The following NOTCH2 variants were observed in gnomAD, a reference collection of about 807,000 sequenced individuals.
The protein encoded by NOTCH2 is notch receptor 2.
Under a neutral mutation model 235.8 loss-of-function variants are expected in NOTCH2, and 29 were observed. The observed-to-expected ratio is 0.12, with a 90% CI of 0.09 to 0.17. The LOEUF (loss-of-function observed/expected upper bound fraction) is 0.17. Among genes scored for constraint, NOTCH2 ranks in the 10% least tolerant of loss-of-function variants. NOTCH2 has a pLI of 1.00. For synonymous variants in NOTCH2, 1,086 were observed against 1,141.5 expected (o/e 0.95, Z 0.98); for missense variants, 2,285 against 3,150.2 (o/e 0.73, Z 6.57).
intron 1 of NOTCH2, among the ~76,000 whole-genome samples, chr1:120,042,743 C>T (rs1345892473): frequency 1.3e-5 from 2 of 151,812 alleles, no homozygotes; most frequent in Non-Finnish European, 2.9e-5. Flanking sequence ...TATGTTACCA[C>T]ATAAAGTTTC....
Position 119,997,055 on chromosome 1 carries a change from G to A in NOTCH2, c.693C>T (p.Val231=). The change falls in exon 4 of 34, where the codon GTC becomes GTT. Residue 231 remains valine, a synonymous_variant. Transcript: ENST00000256646. ...CAGTCTGCCGACAGGTGCCTCCATTGACACAAGGTGAGGGTGCACAGGGCA... is the reference window on the plus strand; with the variant it reads ...CAGTCTGCCGACAGGTGCCTCCATTAACACAAGGTGAGGGTGCACAGGGCA... The part of the protein sequence containing the change: ...LYVPCAPSPC[V]NGGTCRQTGD... 1 of 1,614,026 alleles carries A rather than the reference G, an allele frequency of 6.2e-7. No individual in the cohort carries two copies. Among genetic ancestry groups the A allele is most frequent in the Non-Finnish European group, 8.5e-7 (1 of 1,179,872 alleles).
intron 19 of NOTCH2, 58 bp downstream of exon 19, chr1:119,940,497 C>T (rs782232825): frequency 2.5e-4 from 358 of 1,445,920 alleles, no homozygotes; most frequent in Non-Finnish European, 3.4e-4. Flanking sequence ...AGAAAGTGAA[C>T]AGGTATAATA....
intron 5 of NOTCH2, among the ~76,000 whole-genome samples, chr1:119,984,504 A>G (rs1408371827): frequency 1.3e-5 from 2 of 152,252 alleles, no homozygotes; most frequent in Non-Finnish European, 2.9e-5. Flanking sequence ...GCTAATAAAC[A>G]TTAGTTAACT....
At chr1:119,943,474 AGTAGT>A in intron 17 of NOTCH2, among the ~76,000 whole-genome samples, 1 of 152,228 alleles carries the variant, frequency 6.6e-6, no homozygotes, top group Non-Finnish European at 1.5e-5. Flanking sequence ...CCCCTGTTGT[AGTAGT>A]GAGCCATATT....
At chr1:119,927,444 A>G (rs1649512691) in intron 23 of NOTCH2, among the ~76,000 whole-genome samples, 1 of 152,228 alleles carries the variant, frequency 6.6e-6, no homozygotes, top group Non-Finnish European at 1.5e-5. Flanking sequence ...CCACATGGAC[A>G]CAGCTTGGTG....
At chr1:120,045,961 A>G (rs1654770189) in intron 1 of NOTCH2, among the ~76,000 whole-genome samples, 2 of 152,290 alleles carry the variant, frequency 1.3e-5, no homozygotes, top group African/African-American at 4.8e-5. Context: ...TAAAAAACAT[A>G]TAAGCTTTAC....
Position 119,912,714 on chromosome 1 carries a change from A to T in NOTCH2, c.*2592T>A, listed in dbSNP as rs1195613138. 4.3e-6 allele frequency: 1 copy of T among 233,334 alleles called. No homozygotes were observed. Among genetic ancestry groups the T allele is most frequent in the Non-Finnish European group, 8.5e-6 (1 of 118,022 alleles). 14.5% of individuals were successfully genotyped at this position (233,334 alleles called of 1,614,324 possible). A position where few individuals can be genotyped will look rare whatever the true frequency, so the allele number is the denominator to read the frequency against. ...GGCATAAAAGATGTGTCTCATAAAA[A>T]CTGAGTCTCCAATTCAGAACCCAAA... On this transcript the variant is annotated 3_prime_UTR_variant, in exon 34 of 34. Transcript: ENST00000256646.
intron 17 of NOTCH2, 77 bp downstream of exon 17, chr1:119,948,337 G>A: frequency 6.5e-7 from 1 of 1,533,862 alleles, no homozygotes; most frequent in Non-Finnish European, 9.0e-7. Context: ...AAAGGCGGCA[G>A]CCTCCACTGG....
chr1:120,068,640 C>T (rs2799254), intron 1 of NOTCH2: 1,682 of 266,314 alleles, frequency 6.3e-3, no homozygotes, highest in African/African-American at 0.036. Flanking sequence ...CTCCGCGCCT[C>T]GGAAAGAATA....
At chr1:119,921,216 C>T (rs1241561476) in intron 29 of NOTCH2, among the ~76,000 whole-genome samples, 1 of 152,174 alleles carries the variant, frequency 6.6e-6, no homozygotes, top group African/African-American at 2.4e-5. Context: ...CAGTCTCAGC[C>T]CAATCTACCA....
intron 2 of NOTCH2, among the ~76,000 whole-genome samples, chr1:120,024,950 T>C (rs1653784212): frequency 1.3e-5 from 2 of 150,658 alleles, no homozygotes; most frequent in African/African-American, 4.9e-5. Flanking sequence ...CTAGAAGGGA[T>C]ATAAGCCTCA....
intron 5 of NOTCH2, among the ~76,000 whole-genome samples, chr1:119,981,446 T>G (rs782805717): frequency 6.6e-6 from 1 of 152,202 alleles, no homozygotes; most frequent in African/African-American, 2.4e-5. Flanking sequence ...AGTTGTTCAA[T>G]AAATATCTGT....
At chr1:119,968,317 C>A in intron 6 of NOTCH2, 85 bp from the exon 7 acceptor site, 8 of 1,388,456 alleles carry the variant, frequency 5.8e-6, no homozygotes, top group Non-Finnish European at 8.0e-6. Context: ...GGAGGGAAAA[C>A]CTCATGATCA....
chr1:119,985,582 C>A lies in NOTCH2; in HGVS notation c.874+1378G>T, dbSNP rs587726497. On this transcript the variant is annotated intron_variant, in intron 5 of 33. Transcript: ENST00000256646. Reference sequence around the variant, plus strand: ...ACTGGCATCAGAAGCCTCAGTACTACACAGTTACTGTCTCACAGAGCAAGG... The same window carrying A: ...ACTGGCATCAGAAGCCTCAGTACTAAACAGTTACTGTCTCACAGAGCAAGG... Among the ~76,000 whole-genome samples, 3 of 152,250 alleles carry A rather than the reference C, an allele frequency of 2.0e-5. No individual in the cohort carries two copies. The East Asian group carries it at 5.8e-4, about 29-fold the overall frequency.
chr1:119,924,173 G>A (rs1393035233), intron 25 of NOTCH2, among the ~76,000 whole-genome samples, 189 bp from the exon 26 acceptor site: 2 of 152,160 alleles, frequency 1.3e-5, no homozygotes, highest in Non-Finnish European at 2.9e-5. Context: ...TCCTTGTTGA[G>A]TACTTCCTAA....
chr1:120,008,851 A>T (rs1653073861), intron 2 of NOTCH2, among the ~76,000 whole-genome samples: 1 of 152,254 alleles, frequency 6.6e-6, no homozygotes, highest in Admixed American at 6.5e-5. Flanking sequence ...TGGAGTTTAC[A>T]TTCTAATAGC....
intron 5 of NOTCH2, among the ~76,000 whole-genome samples, chr1:119,983,634 T>C (rs1651900769): frequency 6.6e-6 from 1 of 152,174 alleles, no homozygotes; most frequent in Non-Finnish European, 1.5e-5. Context: ...TTTTATTGCA[T>C]TTTTGATTGT....
chr1:119,926,542 A>G lies in NOTCH2; in HGVS notation c.3962T>C (p.Val1321Ala). The G allele has an allele frequency of 1.2e-6, 2 of 1,608,956 alleles. No individual in the cohort carries two copies. The highest frequency in any genetic ancestry group is 1.7e-6 in the Non-Finnish European group (2 of 1,177,256). The change falls in exon 24 of 34, where the codon GTG becomes GCG. Residue 1321 changes from valine to alanine, a missense_variant. By Grantham distance (64) the Val-to-Ala change is moderately conservative. This residue lies in a region of NOTCH2 where 1,173 missense variants were observed against 1,515.3 expected (regional missense o/e 0.77). Transcript: ENST00000256646. ...MPCLNGGTCA[V>A]ASNMPDGFIC... ...GAAACCATCAGGCATGTTACTGGCC[A>G]CAGCACAAGTCCCTCCATTCAGGCA...
At chr1:120,038,047 CA>C (rs1414903759) in intron 1 of NOTCH2, among the ~76,000 whole-genome samples, 13 of 151,564 alleles carry the variant, frequency 8.6e-5, no homozygotes, top group East Asian at 3.9e-4. Flanking sequence ...GAACTTATTG[CA>C]AAAAAAATTC....
Sources: allele counts gnomAD v4.1 joint callset (sites outside exome capture counted in the v4.1 genomes callset), GRCh38; gene constraint gnomAD v4.1.1; regional missense constraint gnomAD v4.1.1; transcripts MANE v1.5; gene names NCBI Gene and HGNC (gene_info 2026-07-23, HGNC 2026-07-21).